Variants in UBE2U observed in about 807,000 individuals in gnomAD.
The protein encoded by UBE2U is ubiquitin-conjugating enzyme E2 U.
UBE2U carries 39 observed loss-of-function variants against 41.2 expected under a neutral mutation model. That is an observed-to-expected ratio of 0.95 (90% CI 0.73 to 1.24). UBE2U has a LOEUF of 1.24. Ranked by LOEUF, UBE2U falls within the 50% of genes most tolerant of loss-of-function variation. The probability of loss-of-function intolerance (pLI) is 0.00; values close to 1 mark genes in which losing one functional copy is unlikely to be tolerated. For missense variants in UBE2U, 336 were observed against 363.1 expected (o/e 0.93, Z 0.61); for synonymous variants, 107 against 117.8 (o/e 0.91, Z 0.60).
At chr1:64,229,815 T>A (rs757930860) in intron 6 of UBE2U, among the ~76,000 whole-genome samples, 2 of 152,220 alleles carry the variant, frequency 1.3e-5, no homozygotes, top group Non-Finnish European at 2.9e-5. Context: ...AAATACTTAC[T>A]AACTTTTTTG....
At chr1:64,225,506 AG>A (rs1652805620) in intron 6 of UBE2U, among the ~76,000 whole-genome samples, 1 of 152,266 alleles carries the variant, frequency 6.6e-6, no homozygotes, top group African/African-American at 2.4e-5. Context: ...AAGGAGAGAC[AG>A]AATCAGATTT....
intron 7 of UBE2U, among the ~76,000 whole-genome samples, chr1:64,234,488 A>G (rs1644630279): frequency 6.6e-6 from 1 of 152,204 alleles, no homozygotes; most frequent in African/African-American, 2.4e-5. Flanking sequence ...ATAGTGAAAA[A>G]TAGTATCAAG....
chr1:64,250,205 CG>C (rs1170273297), intron 8 of UBE2U, among the ~76,000 whole-genome samples: 1 of 152,064 alleles, frequency 6.6e-6, no homozygotes, highest in Non-Finnish European at 1.5e-5. Context: ...AAAATAAAAA[CG>C]TTTTTTGACC....
At chr1:64,223,110 A>C (rs1402942581) in intron 6 of UBE2U, among the ~76,000 whole-genome samples, 3 of 152,200 alleles carry the variant, frequency 2.0e-5, no homozygotes, top group Admixed American at 2.0e-4. Context: ...CCACGTACTT[A>C]GAATGAATTC....
At chr1:64,219,290 A>G (rs929401164) in intron 5 of UBE2U, among the ~76,000 whole-genome samples, 5 of 151,900 alleles carry the variant, frequency 3.3e-5, no homozygotes, top group Non-Finnish European at 7.4e-5. Context: ...TTTCATTCCG[A>G]TGTCCAATTT....
intron 7 of UBE2U, among the ~76,000 whole-genome samples, chr1:64,239,107 AG>A (rs1255726415): frequency 9.0e-5 from 1 of 11,058 alleles, no homozygotes; most frequent in African/African-American, 7.5e-4. Flanking sequence ...AAGAAGAAGA[AG>A]AAGAAGAAGA....
chr1:64,263,154 A>G (rs539463804), intron 9 of UBE2U, among the ~76,000 whole-genome samples: 1 of 152,304 alleles, frequency 6.6e-6, no homozygotes, highest in African/African-American at 2.4e-5. Context: ...TTAATCATGG[A>G]ATAGACTCCT....
chr1:64,236,744 T>C (rs1644674760), intron 7 of UBE2U, among the ~76,000 whole-genome samples: 1 of 152,188 alleles, frequency 6.6e-6, no homozygotes, highest in South Asian at 2.1e-4. Context: ...TAGGAGACTT[T>C]TATTCTTTGA....
chr1:64,219,297 A>G (rs191740555), intron 5 of UBE2U, among the ~76,000 whole-genome samples: 38 of 151,448 alleles, frequency 2.5e-4, no homozygotes, highest in Middle Eastern at 3.4e-3. Context: ...CCGATGTCCA[A>G]TTTTTCACAT....
chr1:64,213,007 G>A (rs1004037119), intron 4 of UBE2U, among the ~76,000 whole-genome samples: 1 of 152,202 alleles, frequency 6.6e-6, no homozygotes, highest in East Asian at 1.9e-4. Context: ...GGAAGGAAAA[G>A]AAAATCACTG....
chr1:64,214,419 C>T (rs780155479), intron 4 of UBE2U, among the ~76,000 whole-genome samples: 3 of 152,194 alleles, frequency 2.0e-5, no homozygotes, highest in Non-Finnish European at 2.9e-5. Context: ...AAATTAGATA[C>T]ATTTTCAATT....
At chr1:64,239,113 AG>A (rs1256418607) in intron 7 of UBE2U, among the ~76,000 whole-genome samples, 11 of 13,912 alleles carry the variant, frequency 7.9e-4, no homozygotes, top group African/African-American at 6.5e-3. Context: ...AAGAAGAAGA[AG>A]AAGAAGAAGA....
intron 7 of UBE2U, among the ~76,000 whole-genome samples, chr1:64,239,084 G>GAAGAAGAAGA (rs1557729519): frequency 1.7e-5 from 1 of 58,810 alleles, no homozygotes; most frequent in Non-Finnish European, 3.3e-5. Flanking sequence ...GGAAGAGGAA[G>GAAGAAGAAGA]AGGAAGAGGA....
chr1:64,234,381 G>A (rs2100404018), intron 7 of UBE2U, among the ~76,000 whole-genome samples: 1 of 152,110 alleles, frequency 6.6e-6, no homozygotes, highest in Middle Eastern at 3.4e-3. Context: ...TTTATCTGCT[G>A]CAACATTATG....
At chr1:64,245,459 C>G (rs1057289809) in intron 8 of UBE2U, among the ~76,000 whole-genome samples, 4 of 152,182 alleles carry the variant, frequency 2.6e-5, no homozygotes, top group Admixed American at 6.5e-5. Context: ...GCTTTGGCAG[C>G]TAGCAAGTTG....
intron 1 of UBE2U, among the ~76,000 whole-genome samples, chr1:64,205,381 T>A (rs1227435418): frequency 1.3e-5 from 2 of 152,216 alleles, no homozygotes; most frequent in Non-Finnish European, 1.5e-5. Context: ...CACATTCTAA[T>A]CTTGACTCTC....
At chr1:64,244,824 A>T (rs148455531) in intron 8 of UBE2U, among the ~76,000 whole-genome samples, 18 of 152,292 alleles carry the variant, frequency 1.2e-4, no homozygotes, top group Admixed American at 5.9e-4. Context: ...CATTCTCTGT[A>T]CCTAGCATGG....
Position 64,203,953 on chromosome 1 carries a change from T to C in UBE2U, c.-98T>C, listed in dbSNP as rs1651129845. The C allele has an allele frequency of 2.9e-6, 3 of 1,039,696 alleles. No homozygotes were observed. The highest frequency in any genetic ancestry group is 2.2e-5 in the Admixed American group (1 of 44,926). 64.4% of individuals were successfully genotyped at this position (1,039,696 alleles called of 1,614,324 possible). Reference sequence around the variant, plus strand: ...CTAGAAAGCAAGTAACTTATATCAGTTTACTAAGTGTGGGAAAGTGACCCA... The same window carrying C: ...CTAGAAAGCAAGTAACTTATATCAGCTTACTAAGTGTGGGAAAGTGACCCA... On this transcript the variant is annotated 5_prime_UTR_variant, in exon 1 of 10. Transcript: ENST00000371077.
intron 4 of UBE2U, 82 bp downstream of exon 4, chr1:64,210,921 A>G (rs969168942): frequency 3.3e-6 from 3 of 904,414 alleles, no homozygotes; most frequent in Admixed American, 6.0e-5. Flanking sequence ...AAAATATACA[A>G]TGCATATTTA....
Sources: allele counts gnomAD v4.1 joint callset (sites outside exome capture counted in the v4.1 genomes callset), GRCh38; gene constraint gnomAD v4.1.1; transcripts MANE v1.5; gene names NCBI Gene and HGNC (gene_info 2026-07-23, HGNC 2026-07-21).